CDH12: variants seen among roughly 807,000 people sequenced by gnomAD.
CDH12 encodes cadherin 12.
Under a neutral mutation model 74.1 loss-of-function variants are expected in CDH12, and 41 were observed. The observed-to-expected ratio is 0.55, with a 90% confidence interval of 0.43 to 0.72. CDH12 has a LOEUF of 0.72. CDH12 is among the 30% of genes least tolerant of loss of function. The pLI, the probability that CDH12 is intolerant of heterozygous loss-of-function variation, is 0.00. For missense variants in CDH12, 945 were observed against 977.2 expected (o/e 0.97, Z 0.44); for synonymous variants, 399 against 355.0 (o/e 1.12, Z -1.39).
intron 8 of CDH12, among the ~76,000 whole-genome samples, chr5:21,839,860 G>T (rs1749744017): frequency 6.6e-6 from 1 of 152,060 alleles, no homozygotes; most frequent in South Asian, 2.1e-4. Context: ...ACACTGAAAT[G>T]ATCCTTGAAA....
chr5:22,499,039 G>A (rs1220928793), intron 2 of CDH12, among the ~76,000 whole-genome samples: 2 of 150,804 alleles, frequency 1.3e-5, no homozygotes. Flanking sequence ...AAGTACCGGG[G>A]ATTACAGGCA....
chr5:21,960,110 G>A (rs1033908483), intron 6 of CDH12, among the ~76,000 whole-genome samples: 3 of 151,644 alleles, frequency 2.0e-5, no homozygotes, highest in Non-Finnish European at 2.9e-5. Context: ...ACACACCACT[G>A]ACAGTCATAG....
At chr5:22,030,751 C>G (rs773784178) in intron 5 of CDH12, among the ~76,000 whole-genome samples, 5 of 152,160 alleles carry the variant, frequency 3.3e-5, no homozygotes, top group Admixed American at 6.6e-5. Context: ...TCCAAGATAG[C>G]CTCTTCTTCC....
At chr5:22,725,494 A>T (rs1744118511) in intron 1 of CDH12, among the ~76,000 whole-genome samples, 1 of 151,808 alleles carries the variant, frequency 6.6e-6, no homozygotes, top group South Asian at 2.1e-4. Context: ...CACGTGTCTT[A>T]GCCTATTTGG....
At position 22,155,749 on chromosome 5, in the gene CDH12, A is replaced by G. The variant is rs560662194; in HGVS notation, c.-187+56749T>C. On this transcript the variant is annotated intron_variant, in intron 4 of 14. Transcript: ENST00000382254. ...ATAAGTCATATGTTTAAGGAAATAT[A>G]TTCCTAAACAATAGGAAGAAACACA... 5.3e-5 allele frequency among the ~76,000 whole-genome samples: 8 copies of G among 152,304 alleles called. No homozygotes were observed. The South Asian group carries it at 1.7e-3, about 32-fold the overall frequency.
At chr5:22,593,266 CTAAATTTG>C (rs1561514949) in intron 1 of CDH12, among the ~76,000 whole-genome samples, 1 of 151,888 alleles carries the variant, frequency 6.6e-6, no homozygotes, top group Non-Finnish European at 1.5e-5. Context: ...TTAACAAATC[CTAAATTTG>C]TATATTTGGC....
At chr5:22,594,619 G>T (rs1030794235) in intron 1 of CDH12, among the ~76,000 whole-genome samples, 10 of 150,790 alleles carry the variant, frequency 6.6e-5, no homozygotes, top group Non-Finnish European at 1.5e-4. Flanking sequence ...GTAAATATTT[G>T]TTAACTCAAG....
intron 3 of CDH12, among the ~76,000 whole-genome samples, chr5:22,294,422 A>G (rs780245394): frequency 1.9e-4 from 29 of 152,326 alleles, no homozygotes; most frequent in Non-Finnish European, 3.7e-4. Flanking sequence ...CAGGGCCTAT[A>G]TCCATAAAGA....
chr5:22,082,950 CTTTTT>C (rs771047878), intron 4 of CDH12, among the ~76,000 whole-genome samples: 10 of 152,048 alleles, frequency 6.6e-5, no homozygotes, highest in Admixed American at 1.3e-4. Context: ...AAATTACCTT[CTTTTT>C]TAAGAGTAGA....
At chr5:22,020,437 T>A (rs1737896704) in intron 5 of CDH12, among the ~76,000 whole-genome samples, 1 of 151,766 alleles carries the variant, frequency 6.6e-6, no homozygotes, top group South Asian at 2.1e-4. Context: ...GCCTGTAATC[T>A]CTGCTACTCG....
intron 1 of CDH12, among the ~76,000 whole-genome samples, chr5:22,790,876 C>A (rs1747873293): frequency 1.3e-5 from 2 of 152,038 alleles, no homozygotes; most frequent in African/African-American, 4.8e-5. Context: ...ACAGAACAGT[C>A]ATTTATCTTA....
chr5:21,968,396 G>T (rs924626616), intron 6 of CDH12, among the ~76,000 whole-genome samples: 2 of 152,210 alleles, frequency 1.3e-5, no homozygotes, highest in African/African-American at 4.8e-5. Flanking sequence ...ACTAGGAAAT[G>T]ATAGTTGGAT....
chr5:22,617,556 G>A (rs1737753400), intron 1 of CDH12, among the ~76,000 whole-genome samples: 1 of 152,048 alleles, frequency 6.6e-6, no homozygotes, highest in Non-Finnish European at 1.5e-5. Context: ...AAATGTCCAT[G>A]CAAATTTCAA....
intron 10 of CDH12, among the ~76,000 whole-genome samples, chr5:21,795,475 G>A (rs762392668): frequency 2.6e-5 from 4 of 151,726 alleles, no homozygotes; most frequent in East Asian, 1.9e-4. Flanking sequence ...ATCCACTTGC[G>A]CTAGGCAATA....
intron 8 of CDH12, among the ~76,000 whole-genome samples, chr5:21,824,226 C>T (rs1748533964): frequency 6.6e-6 from 1 of 152,058 alleles, no homozygotes; most frequent in Admixed American, 6.6e-5. Flanking sequence ...TCATCATCTC[C>T]TTTCCTGGGG....
intron 1 of CDH12, among the ~76,000 whole-genome samples, chr5:22,610,288 T>C (rs1737330990): frequency 6.6e-6 from 1 of 152,172 alleles, no homozygotes; most frequent in African/African-American, 2.4e-5. Context: ...AAATGGAACA[T>C]CCATTTTGGA....
At chr5:22,238,203 G>T (rs574585785) in intron 3 of CDH12, among the ~76,000 whole-genome samples, 1 of 152,180 alleles carries the variant, frequency 6.6e-6, no homozygotes, top group African/African-American at 2.4e-5. Flanking sequence ...CTATAACGGA[G>T]AAGAGCTTCT....
At chr5:22,353,648 T>A (rs1203152394) in intron 3 of CDH12, among the ~76,000 whole-genome samples, 2 of 152,156 alleles carry the variant, frequency 1.3e-5, no homozygotes, top group South Asian at 2.1e-4. Context: ...ATGGGTCCTA[T>A]TATAGTAAAA....
intron 3 of CDH12, among the ~76,000 whole-genome samples, chr5:22,333,010 T>G (rs1371652825): frequency 6.6e-6 from 1 of 152,158 alleles, no homozygotes; most frequent in African/African-American, 2.4e-5. Flanking sequence ...TAAAGACACA[T>G]GCACACATAT....
Sources: allele counts gnomAD v4.1 joint callset (sites outside exome capture counted in the v4.1 genomes callset), GRCh38; gene constraint gnomAD v4.1.1; transcripts MANE v1.5; gene names NCBI Gene and HGNC (gene_info 2026-07-23, HGNC 2026-07-21).